SPIDR: variants seen among roughly 807,000 people sequenced by gnomAD.
SPIDR encodes the protein DNA repair-scaffolding protein.
A neutral mutation model predicts 104.6 loss-of-function variants in SPIDR; 93 were observed. The observed-to-expected ratio is 0.89, with a 90% CI of 0.75 to 1.06. SPIDR has a LOEUF of 1.06. Among genes scored for constraint, SPIDR ranks in the 50% least tolerant of loss-of-function variants. SPIDR has a pLI of 0.00. For synonymous variants in SPIDR, 431 were observed against 416.9 expected (o/e 1.03, Z -0.41); for missense variants, 1,154 against 1,111.2 (o/e 1.04, Z -0.55).
intron 8 of SPIDR, among the ~76,000 whole-genome samples, chr8:47,564,384 G>C (rs2057504828): frequency 6.7e-6 from 1 of 150,116 alleles, no homozygotes; most frequent in Non-Finnish European, 1.5e-5. Context: ...ACTTTTTACA[G>C]AATTTAGTAG....
intron 8 of SPIDR, among the ~76,000 whole-genome samples, chr8:47,462,649 G>A (rs530855315): frequency 6.6e-6 from 1 of 152,276 alleles, no homozygotes; most frequent in South Asian, 2.1e-4. Context: ...TAACCTATCT[G>A]TACATGTTAA....
chr8:47,463,201 T>A (rs2074223270), intron 8 of SPIDR, among the ~76,000 whole-genome samples: 1 of 151,116 alleles, frequency 6.6e-6, no homozygotes, highest in Non-Finnish European at 1.5e-5. Flanking sequence ...TACTAAAAAA[T>A]ACAAAAAAAA....
intron 8 of SPIDR, among the ~76,000 whole-genome samples, chr8:47,466,685 A>C: frequency 6.7e-6 from 1 of 150,366 alleles, no homozygotes; most frequent in African/African-American, 2.5e-5. Flanking sequence ...ACATGGTGAA[A>C]CCCCGTCTCT....
chr8:47,690,353 AT>A (rs899248264), intron 11 of SPIDR, among the ~76,000 whole-genome samples: 149 of 151,058 alleles, frequency 9.9e-4, no homozygotes, highest in African/African-American at 2.9e-3. Context: ...TGTAAAGAAC[AT>A]TTTTTTTTAC....
rs555774734 is a variant in SPIDR, at chr8:47,331,541, G to A, written c.525+37511G>A. The stretch of plus-strand genomic sequence containing the variant: ...ATAAACAGTGGTATACATGTATAGG[G>A]CACTTACCATGAATGGAGCTTGTAG... On this transcript the variant is annotated intron_variant, in intron 5 of 19. Coordinates refer to ENST00000297423, the MANE Select transcript of SPIDR (RefSeq NM_001080394.4). Among the ~76,000 whole-genome samples, 11 of 152,290 alleles carry A rather than the reference G, an allele frequency of 7.2e-5. No homozygotes were observed. The South Asian group carries it at 2.1e-3, about 29-fold the overall frequency.
chr8:47,566,335 TC>T (rs555666394), intron 8 of SPIDR, among the ~76,000 whole-genome samples: 238 of 152,178 alleles, frequency 1.6e-3, no homozygotes, highest in African/African-American at 5.6e-3. Context: ...TGAAATTTTT[TC>T]CCTCCTAACC....
chr8:47,593,591 G>A (rs1024598113), intron 8 of SPIDR, among the ~76,000 whole-genome samples: 2 of 152,168 alleles, frequency 1.3e-5, no homozygotes, highest in African/African-American at 4.8e-5. Flanking sequence ...GACATTTGGA[G>A]TATTATGTTT....
intron 10 of SPIDR, among the ~76,000 whole-genome samples, chr8:47,624,921 A>G (rs1287011888): frequency 2.6e-5 from 4 of 152,326 alleles, no homozygotes; most frequent in African/African-American, 9.6e-5. Flanking sequence ...AAAGCCTGGC[A>G]GAGACACAAC....
intron 8 of SPIDR, among the ~76,000 whole-genome samples, chr8:47,591,681 A>T (rs1225804463): frequency 4.6e-5 from 7 of 152,264 alleles, no homozygotes; most frequent in East Asian, 3.9e-4. Flanking sequence ...ACTTGGCTAG[A>T]GAGCATATTC....
intron 6 of SPIDR, among the ~76,000 whole-genome samples, chr8:47,400,119 C>T (rs1291570971): frequency 1.3e-5 from 2 of 152,140 alleles, no homozygotes; most frequent in East Asian, 1.9e-4. Context: ...GGAGCTGGAA[C>T]GTAAGGGAGG....
At chr8:47,538,755 A>G (rs893573051) in intron 8 of SPIDR, among the ~76,000 whole-genome samples, 1 of 152,104 alleles carries the variant, frequency 6.6e-6, no homozygotes, top group Non-Finnish European at 1.5e-5. Flanking sequence ...ATATAAATTG[A>G]ATCATATTTT....
chr8:47,393,373 T>C (rs569140660), intron 5 of SPIDR, among the ~76,000 whole-genome samples: 39 of 152,222 alleles, frequency 2.6e-4, no homozygotes, highest in African/African-American at 9.1e-4. Context: ...CTAGCTGCCC[T>C]CCCCCACACC....
intron 10 of SPIDR, among the ~76,000 whole-genome samples, chr8:47,666,277 C>G (rs2074921046): frequency 6.6e-6 from 1 of 152,146 alleles, no homozygotes; most frequent in Admixed American, 6.5e-5. Context: ...TAGTGGCTAC[C>G]ACATTAGACA....
intron 10 of SPIDR, among the ~76,000 whole-genome samples, chr8:47,638,570 A>G (rs2068334993): frequency 1.3e-5 from 2 of 152,236 alleles, no homozygotes; most frequent in South Asian, 2.1e-4. Context: ...GAGAGCTTCT[A>G]TAGCCCCAGG....
chr8:47,349,176 C>A (rs2052876639), intron 5 of SPIDR, among the ~76,000 whole-genome samples: 2 of 152,188 alleles, frequency 1.3e-5, no homozygotes, highest in Non-Finnish European at 2.9e-5. Flanking sequence ...CTATTCCTGT[C>A]TCTTTGTTGG....
intron 5 of SPIDR, among the ~76,000 whole-genome samples, chr8:47,327,567 A>T (rs2047898198): frequency 6.6e-6 from 1 of 151,652 alleles, no homozygotes; most frequent in Non-Finnish European, 1.5e-5. Context: ...CACTTGGCTA[A>T]TTTTTTCCCC....
At chr8:47,541,876 A>C (rs1462600725) in intron 8 of SPIDR, among the ~76,000 whole-genome samples, 1 of 152,158 alleles carries the variant, frequency 6.6e-6, no homozygotes, top group Non-Finnish European at 1.5e-5. Context: ...GGCTGCAGTG[A>C]GCCGAGATTG....
chr8:47,649,006 G>T (rs555821340), intron 10 of SPIDR, among the ~76,000 whole-genome samples: 2 of 152,044 alleles, frequency 1.3e-5, no homozygotes, highest in East Asian at 1.9e-4. Flanking sequence ...GAAGCCTGAC[G>T]GACATCACCT....
chr8:47,288,591 C>G (rs921123582), intron 3 of SPIDR, among the ~76,000 whole-genome samples: 1 of 152,154 alleles, frequency 6.6e-6, no homozygotes, highest in Non-Finnish European at 1.5e-5. Flanking sequence ...CTGATAACTT[C>G]CTTCTTGACT....
Sources: allele counts gnomAD v4.1 joint callset (sites outside exome capture counted in the v4.1 genomes callset), GRCh38; gene constraint gnomAD v4.1.1; transcripts MANE v1.5; gene names NCBI Gene and HGNC (gene_info 2026-07-23, HGNC 2026-07-21).